The following DTNA variants were observed in gnomAD, a reference collection of about 807,000 sequenced individuals.
The protein encoded by DTNA is dystrobrevin alpha, also known as dystrophin-related protein 3.
Under a neutral mutation model 100.7 loss-of-function variants are expected in DTNA, and 43 were observed. That is an observed-to-expected ratio of 0.43 (90% CI 0.33 to 0.55). DTNA has a LOEUF of 0.55. Among genes scored for constraint, DTNA ranks in the 20% least tolerant of loss-of-function variants. The pLI is 0.04. For missense variants in DTNA, 798 were observed against 953.9 expected, an observed-to-expected ratio of 0.84 and a Z score of 2.15; for synonymous variants, 349 against 347.9, an observed-to-expected ratio of 1.00 and a Z score of -0.04.
intron 3 of DTNA, among the ~76,000 whole-genome samples, chr18:34,777,098 T>C (rs1476272483): frequency 1.3e-5 from 2 of 152,236 alleles, no homozygotes; most frequent in African/African-American, 4.8e-5. Flanking sequence ...TTTGTATTTT[T>C]CCTAAAGTAT....
At chr18:34,758,293 A>T (rs1038639597) in intron 2 of DTNA, among the ~76,000 whole-genome samples, 1 of 152,232 alleles carries the variant, frequency 6.6e-6, no homozygotes, top group African/African-American at 2.4e-5. Flanking sequence ...TAAGTATTAT[A>T]TAGAAATATT....
chr18:34,701,242 C>T (rs951404810), intron 1 of DTNA, among the ~76,000 whole-genome samples: 5 of 152,198 alleles, frequency 3.3e-5, no homozygotes, highest in Admixed American at 2.6e-4. Flanking sequence ...CTCTATCCTT[C>T]TCCTGTTCCT....
At chr18:34,687,015 T>A (rs192391022) in intron 1 of DTNA, among the ~76,000 whole-genome samples, 104 of 152,298 alleles carry the variant, frequency 6.8e-4, no homozygotes, top group Middle Eastern at 3.4e-3. Context: ...TTATTGTGTC[T>A]ATTTGATTCT....
chr18:34,672,418 A>C (rs1042024249), intron 1 of DTNA, among the ~76,000 whole-genome samples: 2 of 152,202 alleles, frequency 1.3e-5, no homozygotes, highest in African/African-American at 4.8e-5. Context: ...ATTCTAAGAA[A>C]GTGACTCCTA....
At chr18:34,759,082 A>C (rs2092970402) in intron 2 of DTNA, among the ~76,000 whole-genome samples, 1 of 152,206 alleles carries the variant, frequency 6.6e-6, no homozygotes, top group Non-Finnish European at 1.5e-5. Context: ...AATTCTGTAC[A>C]AGTTCTCCCT....
intron 1 of DTNA, among the ~76,000 whole-genome samples, chr18:34,671,764 T>C (rs1029321121): frequency 2.0e-5 from 3 of 152,154 alleles, no homozygotes; most frequent in African/African-American, 7.2e-5. Flanking sequence ...TCTTCATTCC[T>C]TCCTTCTTTT....
At chr18:34,830,377 C>G (rs561718524) in intron 11 of DTNA, among the ~76,000 whole-genome samples, 1 of 152,116 alleles carries the variant, frequency 6.6e-6, no homozygotes, top group East Asian at 1.9e-4. Flanking sequence ...ATTGAAATCC[C>G]CACTCCAGAA....
In DTNA at chr18:34,734,732, A is replaced by C. The variant is rs148656046; in HGVS notation, c.-1-21244A>C. 3.7e-3 allele frequency among the ~76,000 whole-genome samples: 561 copies of C among 152,224 alleles called. 7 individuals carry two copies. The highest frequency in any genetic ancestry group is 0.013 in the African/African-American group (524 of 41,530). The stretch of plus-strand genomic sequence containing the variant: ...GCTTCATTATGTTCCTTTATTCTCC[A>C]TATATGGTCAAAGGTATTATGTATA... On this transcript the variant is annotated intron_variant, in intron 1 of 22. Transcript: ENST00000444659.
chr18:34,845,705 T>C (rs529958340), intron 13 of DTNA, among the ~76,000 whole-genome samples: 197 of 152,340 alleles, frequency 1.3e-3, no homozygotes, highest in Non-Finnish European at 2.2e-3. Flanking sequence ...CTCTTTTTCA[T>C]TGAAGCTGTA....
upstream of DTNA, among the ~76,000 whole-genome samples, chr18:34,708,997 A>G (rs1413257992): frequency 6.6e-6 from 1 of 152,060 alleles, no homozygotes; most frequent in Non-Finnish European, 1.5e-5. Context: ...TTGATTCCAC[A>G]ATTGCTCTTC....
intron 1 of DTNA, among the ~76,000 whole-genome samples, chr18:34,749,639 C>CAAAAAAAAA (rs1232445254): frequency 0.08 from 5,606 of 70,414 alleles, 135 homozygotes; most frequent in African/African-American, 0.092. Context: ...CACCTCTCTC[C>CAAAAAAAAA]AAAAAATAAT....
chr18:34,673,813 T>A (rs944102159), intron 1 of DTNA, among the ~76,000 whole-genome samples: 2 of 152,242 alleles, frequency 1.3e-5, no homozygotes, highest in Non-Finnish European at 2.9e-5. Flanking sequence ...AGTGATAAGG[T>A]ACAACTTTTT....
intron 1 of DTNA, among the ~76,000 whole-genome samples, chr18:34,694,402 G>A (rs2080222550): frequency 1.3e-5 from 2 of 152,180 alleles, no homozygotes; most frequent in African/African-American, 2.4e-5. Context: ...GTTTGAGCTT[G>A]TATTTTAGCC....
intron 1 of DTNA, among the ~76,000 whole-genome samples, chr18:34,556,865 C>T (rs1278179224): frequency 2.7e-5 from 4 of 150,118 alleles, no homozygotes; most frequent in Non-Finnish European, 5.9e-5. Context: ...TTGCTCTTCT[C>T]GAGGAGTATC....
chr18:34,767,513 A>C (rs149788730), intron 3 of DTNA: 2 of 152,294 alleles, frequency 1.3e-5, no homozygotes, highest in African/African-American at 2.4e-5. Flanking sequence ...AAACTTTGCA[A>C]TTTATAAAGA....
intron 3 of DTNA, among the ~76,000 whole-genome samples, chr18:34,773,996 C>T (rs77295815): frequency 2.1e-3 from 326 of 152,330 alleles, no homozygotes; most frequent in Non-Finnish European, 3.4e-3. Context: ...CACCTGTAGT[C>T]TCGTTTCCAG....
intron 1 of DTNA, among the ~76,000 whole-genome samples, chr18:34,523,833 A>G (rs2042364324): frequency 6.6e-6 from 1 of 152,182 alleles, no homozygotes; most frequent in Non-Finnish European, 1.5e-5. Flanking sequence ...AAATGATCAT[A>G]GTCTTTTACA....
intron 16 of DTNA, among the ~76,000 whole-genome samples, chr18:34,860,221 T>TA (rs1491563195): frequency 0.021 from 1,306 of 62,648 alleles, 76 homozygotes; most frequent in African/African-American, 0.09. Flanking sequence ...TAATTTTTTG[T>TA]TTTTTTTTTT....
chr18:34,712,485 C>T (rs1156298132), intron 1 of DTNA, among the ~76,000 whole-genome samples: 1 of 152,092 alleles, frequency 6.6e-6, no homozygotes, highest in Non-Finnish European at 1.5e-5. Context: ...TGTGTAAAAA[C>T]CAAGATATGC....
Sources: gnomAD v4.1 joint callset for allele counts (sites outside exome capture counted in the v4.1 genomes callset) on GRCh38, gnomAD v4.1.1 for gene constraint, MANE v1.5 for transcripts, NCBI Gene and HGNC (gene_info 2026-07-23, HGNC 2026-07-21) for gene names.